Variants in SSH1 observed in about 807,000 individuals in gnomAD.
SSH1 encodes the protein protein phosphatase Slingshot homolog 1.
Under a neutral mutation model 79.7 loss-of-function variants are expected in SSH1, and 43 were observed. That is an observed-to-expected ratio of 0.54 (90% CI 0.42 to 0.70). The LOEUF (loss-of-function observed/expected upper bound fraction) is 0.70, where lower values mean the gene tolerates loss of function less well. Among genes scored for constraint, SSH1 ranks in the 30% least tolerant of loss-of-function variants. The pLI, the probability that SSH1 is intolerant of heterozygous loss-of-function variation, is 0.00. For synonymous variants in SSH1, 599 were observed against 538.3 expected, an observed-to-expected ratio of 1.11 and a Z score of -1.56; for missense variants, 1,206 against 1,358.8, an observed-to-expected ratio of 0.89 and a Z score of 1.77.
In SSH1 at chr12:108,780,809, C is replaced by A. The variant is rs150497739; in HGVS notation, c.*7179G>T. The A allele has an allele frequency of 2.6e-3, 390 of 152,270 alleles. 1 individual carries two copies. The highest frequency in any genetic ancestry group is 6.8e-3 in the Middle Eastern group (2 of 294). 9.4% of individuals were successfully genotyped at this position (152,270 alleles called of 1,614,324 possible). A position where few individuals can be genotyped will look rare whatever the true frequency, so the allele number is the denominator to read the frequency against. On this transcript the variant is annotated 3_prime_UTR_variant, in exon 15 of 15. Transcript: ENST00000326495. ...ATCCCAGCACTTTGGGAGGCCAAGG[C>A]GGGTGGATTACCTGAGGTTGGGAGT...
At chr12:108,793,011 C>T (rs76408397) in intron 13 of SSH1, among the ~76,000 whole-genome samples, 182 bp from the exon 14 acceptor site, 3,030 of 152,322 alleles carry the variant, frequency 0.02, 45 homozygotes, top group East Asian at 0.06. Flanking sequence ...GGATGAGAAA[C>T]AGCACTGGCT....
Position 108,792,622 on chromosome 12 carries a change from C to T in SSH1, c.1557G>A (p.Leu519=). 1.2e-6 allele frequency: 2 copies of T among 1,612,256 alleles called. No homozygotes were observed. Among genetic ancestry groups the T allele is most frequent in the Non-Finnish European group, 1.7e-6 (2 of 1,179,428 alleles). ...CCFRRLSDPL[L]PSPEDETGSL... is the part of the protein sequence containing the mutation. Reference sequence around the variant, plus strand: ...TGCCAGTTTCATCCTCAGGGGAAGGCAGAAGGGGGTCTGAGAGTCGCCGGA... The same window carrying T: ...TGCCAGTTTCATCCTCAGGGGAAGGTAGAAGGGGGTCTGAGAGTCGCCGGA... The change falls in exon 14 of 15, where the codon CTG becomes CTA. Residue 519 remains leucine, a synonymous_variant. Transcript: ENST00000326495.
chr12:108,845,630 C>T (rs191006809), intron 2 of SSH1, among the ~76,000 whole-genome samples: 2 of 152,206 alleles, frequency 1.3e-5, no homozygotes, highest in East Asian at 3.9e-4. Flanking sequence ...GAGGTTGCAG[C>T]GAGCTGAGAT....
chr12:108,823,311 T>C lies in SSH1; in HGVS notation c.161A>G (p.Gln54Arg), dbSNP rs755616630. The change falls in exon 3 of 15, where the codon CAG becomes CGG. Residue 54 changes from glutamine to arginine, a missense_variant. Gln to Arg is a conservative substitution (Grantham distance 43, BLOSUM62 1). Around this residue, in one of 5 missense-constraint regions of SSH1, gnomAD observed 100 missense variants for 82.3 expected, o/e 1.21. Coordinates refer to ENST00000326495, the MANE Select transcript of SSH1 (RefSeq NM_018984.4). Reference protein sequence around the residue: ...MVKGAALFLQQGSSPQGQRSL... With the variant: ...MVKGAALFLQRGSSPQGQRSL... Reference sequence around the variant, plus strand: ...CCGCTGGCCTTGAGGGCTGCTTCCCTGTTGTAAGAAGAGGGCTGCGCCTTT... The same window carrying C: ...CCGCTGGCCTTGAGGGCTGCTTCCCCGTTGTAAGAAGAGGGCTGCGCCTTT... 1.8e-5 allele frequency: 28 copies of C among 1,588,962 alleles called. No individual in the cohort carries two copies. The South Asian group carries it at 3.1e-4, about 18-fold the overall frequency.
At chr12:108,793,161 C>CCATCTCTCAT (rs1386481143) in intron 13 of SSH1, among the ~76,000 whole-genome samples, 7 of 152,132 alleles carry the variant, frequency 4.6e-5, no homozygotes, top group Non-Finnish European at 1.0e-4. Flanking sequence ...CAGTTACACT[C>CCATCTCTCAT]CATCTCTCAT....
chr12:108,820,226 C>T (rs1029692545), intron 3 of SSH1, among the ~76,000 whole-genome samples: 3 of 152,144 alleles, frequency 2.0e-5, no homozygotes, highest in African/African-American at 4.8e-5. Flanking sequence ...AAGAAAAGAA[C>T]CATGCCCCTC....
chr12:108,852,908 T>C (rs2137297074), intron 1 of SSH1: 2 of 985,464 alleles, frequency 2.0e-6, no homozygotes, highest in South Asian at 9.4e-5. Context: ...CCTGCCGCAG[T>C]CCAGGGGATG....
chr12:108,856,789 C>A (rs930980384), intron 1 of SSH1, among the ~76,000 whole-genome samples: 1 of 152,206 alleles, frequency 6.6e-6, no homozygotes, highest in Non-Finnish European at 1.5e-5. Flanking sequence ...GGCATACAGG[C>A]AAAGGGCCTA....
chr12:108,801,512 TA>T (rs1463495770), intron 11 of SSH1, among the ~76,000 whole-genome samples: 3 of 152,210 alleles, frequency 2.0e-5, no homozygotes, highest in South Asian at 2.1e-4. Context: ...TAGACATGCT[TA>T]AAAAAATACC....
intron 9 of SSH1, 102 bp from the exon 10 acceptor site, chr12:108,805,286 A>T: frequency 7.4e-7 from 1 of 1,357,346 alleles, no homozygotes; most frequent in Non-Finnish European, 1.0e-6. Context: ...ATTTCCAAAA[A>T]AGGTGGGTGT....
chr12:108,852,655 A>T lies in SSH1; in HGVS notation c.93T>A (p.Asp31Glu), dbSNP rs1441175184. Residue 31 changes from aspartate to glutamate, a missense_variant, in exon 2 of 15, where the codon GAT (aspartate) becomes GAA (glutamate). Physicochemically the swap from Asp to Glu is conservative, Grantham distance 45 (BLOSUM62 2). Transcript: ENST00000326495. The part of the protein sequence containing the change: ...NSELEAGSEE[D>E]RKLNLSLSES... The stretch of plus-strand genomic sequence containing the variant: ...CTGCTTACCTGAGGTTTAATTTTCG[A>T]TCTTCTTCGCTGCCAGCCTCCAACT... 1 of 1,614,154 alleles carries T rather than the reference A, an allele frequency of 6.2e-7. No individual in the cohort carries two copies. The highest frequency in any genetic ancestry group is 2.2e-5 in the East Asian group (1 of 44,888).
At position 108,789,262 on chromosome 12, in the gene SSH1, A is replaced by G. The variant is rs1317047481; in HGVS notation, c.1894-18T>C. ...GCATCATCCTGCAAGGAAGGGGACA[A>G]GAGCATGGTGAGACGGTGCAGTCAT... On this transcript the variant is annotated intron_variant, in intron 14 of 14. Coordinates refer to ENST00000326495, the MANE Select transcript of SSH1 (RefSeq NM_018984.4). The G allele has an allele frequency of 1.3e-6, 2 of 1,582,270 alleles. No homozygotes were observed. The highest frequency in any genetic ancestry group is 4.6e-5 in the East Asian group (2 of 43,918).
chr12:108,791,965 AG>A (rs2136977683), intron 14 of SSH1: 2 of 1,316,806 alleles, frequency 1.5e-6, no homozygotes, highest in Admixed American at 3.5e-5. Context: ...ATACACAAAA[AG>A]AAATTGAGTT....
At chr12:108,842,240 C>A (rs143927278) in intron 2 of SSH1, among the ~76,000 whole-genome samples, 51 of 152,322 alleles carry the variant, frequency 3.3e-4, no homozygotes, top group African/African-American at 1.2e-3. Flanking sequence ...CCAAAAGGAA[C>A]AGCCAAACAG....
chr12:108,814,026 C>A (rs2037764995), intron 5 of SSH1, among the ~76,000 whole-genome samples: 1 of 152,084 alleles, frequency 6.6e-6, no homozygotes, highest in African/African-American at 2.4e-5. Context: ...TAGTTCGAGA[C>A]CAGCCTGGCT....
intron 3 of SSH1, among the ~76,000 whole-genome samples, chr12:108,819,352 A>G (rs981267484): frequency 3.3e-5 from 5 of 152,214 alleles, no homozygotes; most frequent in African/African-American, 1.2e-4. Context: ...ACTGGCCATG[A>G]GTCTCGCGCG....
At chr12:108,844,060 C>T (rs1353531994) in intron 2 of SSH1, among the ~76,000 whole-genome samples, 6 of 152,046 alleles carry the variant, frequency 3.9e-5, no homozygotes, top group Non-Finnish European at 8.8e-5. Flanking sequence ...GAAGGAAGTA[C>T]GGGCAGGGGC....
chr12:108,827,811 C>T (rs368057061), intron 2 of SSH1, among the ~76,000 whole-genome samples: 25 of 152,284 alleles, frequency 1.6e-4, no homozygotes, highest in East Asian at 1.2e-3. Context: ...GTGACGGTGA[C>T]GTGGGCAGCT....
chr12:108,830,313 G>A (rs142021738), intron 2 of SSH1, among the ~76,000 whole-genome samples: 66 of 152,174 alleles, frequency 4.3e-4, no homozygotes, highest in Non-Finnish European at 8.4e-4. Context: ...TTAGCTGAGC[G>A]TGGTGACGCA....
Sources: allele counts gnomAD v4.1 joint callset (sites outside exome capture counted in the v4.1 genomes callset), GRCh38; gene constraint gnomAD v4.1.1; regional missense constraint gnomAD v4.1.1; transcripts MANE v1.5; gene names NCBI Gene and HGNC (gene_info 2026-07-23, HGNC 2026-07-21).